The following AKAP5 variants were observed in gnomAD, a reference collection of about 807,000 sequenced individuals.
AKAP5 encodes A-kinase anchoring protein 5, also known as A-kinase anchor protein 5.
In AKAP5, 5 loss-of-function variants were observed where a neutral mutation model predicts 13.8. That is an observed-to-expected ratio of 0.36 (90% CI 0.19 to 0.76). AKAP5 has a LOEUF of 0.76. Among genes scored for constraint, AKAP5 ranks in the 30% least tolerant of loss-of-function variants. The probability of loss-of-function intolerance (pLI) is 0.51; values close to 1 mark genes in which losing one functional copy is unlikely to be tolerated. For missense variants in AKAP5, 406 were observed against 484.4 expected (o/e 0.84, Z 1.52); for synonymous variants, 148 against 167.2 (o/e 0.89, Z 0.89).
chr14:64,468,838 A>T lies in AKAP5; in HGVS notation c.444A>T (p.Ser148=). Residue 148 remains serine, a synonymous_variant, in exon 2 of 2, where the codon TCA becomes TCT. Coordinates refer to ENST00000394718, the MANE Select transcript of AKAP5 (RefSeq NM_004857.3). ...RSNHSKIIED[S]DCSIKVQEEA... ...ATCATTCCAAAATTATAGAAGACTC[A>T]GACTGCAGCATCAAAGTCCAGGAAG... 6.2e-7 allele frequency: 1 copy of T among 1,614,186 alleles called. No individual in the cohort carries two copies. The highest frequency in any genetic ancestry group is 1.7e-5 in the Admixed American group (1 of 60,028).
rs961145900 is a variant in AKAP5, at chr14:64,473,249, A to T, written c.*3571A>T. The stretch of plus-strand genomic sequence containing the variant: ...GAAAACAAAAGAACTTTCAAACAGA[A>T]ATTATGTTCCCTGCCACCTCCTCCA... On this transcript the variant is annotated 3_prime_UTR_variant, in exon 2 of 2. Coordinates refer to ENST00000394718, the MANE Select transcript of AKAP5 (RefSeq NM_004857.3). 6.0e-6 allele frequency: 1 copy of T among 167,038 alleles called. No individual in the cohort carries two copies. Among genetic ancestry groups the T allele is most frequent in the African/African-American group, 2.4e-5 (1 of 41,448 alleles). 10.3% of individuals were successfully genotyped at this position (167,038 alleles called of 1,614,324 possible). A position where few individuals can be genotyped will look rare whatever the true frequency, so the allele number is the denominator to read the frequency against.
Position 64,471,237 on chromosome 14 carries a change from C to G in AKAP5, c.*1559C>G, listed in dbSNP as rs2078667462. On this transcript the variant is annotated 3_prime_UTR_variant, in exon 2 of 2. Transcript: ENST00000394718. ...GCGCGATCTTGGCTCACTGCAAGCT[C>G]CACCTCCTGGGTTCACACCATTCTT... 1 of 154,906 alleles carries G rather than the reference C, an allele frequency of 6.5e-6. No homozygotes were observed. Among genetic ancestry groups the G allele is most frequent in the Non-Finnish European group, 1.5e-5 (1 of 67,872 alleles). 9.6% of individuals were successfully genotyped at this position (154,906 alleles called of 1,614,324 possible). A position where few individuals can be genotyped will look rare whatever the true frequency, so the allele number is the denominator to read the frequency against.
At position 64,468,618 on chromosome 14, in the gene AKAP5, C is replaced by T. The variant is rs1305911885; in HGVS notation, c.224C>T (p.Thr75Ile). 2 of 1,613,840 alleles carry T rather than the reference C, an allele frequency of 1.2e-6. No individual in the cohort carries two copies. The highest frequency in any genetic ancestry group is 1.1e-5 in the South Asian group (1 of 91,082). The change falls in exon 2 of 2, where the codon ACA becomes ATA. Residue 75 changes from threonine to isoleucine, a missense_variant. Physicochemically the swap from Thr to Ile is moderately conservative, Grantham distance 89. Transcript: ENST00000394718. ...GGAGCTTCTGATCAGCCAGAGCCCACACGGGGGGCCTGGGCCTCACTCAAA... is the reference window on the plus strand; with the variant it reads ...GGAGCTTCTGATCAGCCAGAGCCCATACGGGGGGCCTGGGCCTCACTCAAA... ...EAGASDQPEPTRGAWASLKRL... is the reference protein window; with the variant it reads ...EAGASDQPEPIRGAWASLKRL...
rs2078689163 is a variant in AKAP5, at chr14:64,472,876, T to C, written c.*3198T>C. On this transcript the variant is annotated 3_prime_UTR_variant, in exon 2 of 2. Transcript: ENST00000394718. ...TTCAATTCATGTCCATTTAACAACA[T>C]TAAAATAATTATTAGGAACACCACA... 1 of 167,068 alleles carries C rather than the reference T, an allele frequency of 6.0e-6. No individual in the cohort carries two copies. The highest frequency in any genetic ancestry group is 2.4e-5 in the African/African-American group (1 of 41,456). 10.3% of individuals were successfully genotyped at this position (167,068 alleles called of 1,614,324 possible).
intron 1 of AKAP5, chr14:64,466,959 G>T (rs1006833419): frequency 1.3e-5 from 2 of 151,842 alleles, no homozygotes; most frequent in Non-Finnish European, 2.9e-5. Flanking sequence ...CTTATTTTTG[G>T]CTTTTAAATT....
At position 64,469,431 on chromosome 14, in the gene AKAP5, A is replaced by G. The variant is rs2078644758; in HGVS notation, c.1037A>G (p.Glu346Gly). Residue 346 changes from glutamate to glycine, a missense_variant, in exon 2 of 2, where the codon GAA (glutamate) becomes GGA (glycine). Transcript: ENST00000394718. ...EPIAIIITDT[E>G]ISEFDVTKSK... ...ATTGCTATTATTATTACAGACACTG[A>G]AATCAGTGAATTTGATGTTACAAAA... 1 of 1,613,100 alleles carries G rather than the reference A, an allele frequency of 6.2e-7. No individual in the cohort carries two copies. Among genetic ancestry groups the G allele is most frequent in the South Asian group, 1.1e-5 (1 of 90,704 alleles).
In AKAP5 at chr14:64,468,285, G is replaced by T. The variant is rs925316593; in HGVS notation, c.-110G>T. On this transcript the variant is annotated 5_prime_UTR_variant, in exon 2 of 2. It removes an upstream start codon present in the reference 5' UTR. Transcript: ENST00000394718. ...GGAGTAAGATGAAAGGTATGAATAT[G>T]CCTGGAAGAAATTTTACCTAGTGTG... The T allele has an allele frequency of 1.1e-4, 114 of 1,019,014 alleles. No homozygotes were observed. Among genetic ancestry groups the T allele is most frequent in the Non-Finnish European group, 1.5e-4 (105 of 708,994 alleles). 63.1% of individuals were successfully genotyped at this position (1,019,014 alleles called of 1,614,324 possible).
At chr14:64,466,666 T>A (rs1208143614) in intron 1 of AKAP5, among the ~76,000 whole-genome samples, 3 of 152,224 alleles carry the variant, frequency 2.0e-5, no homozygotes, top group African/African-American at 7.2e-5. Context: ...CCTAAGATAA[T>A]ATTTACTTAG....
Position 64,472,090 on chromosome 14 carries a change from T to G in AKAP5, c.*2412T>G, listed in dbSNP as rs1254495315. On this transcript the variant is annotated 3_prime_UTR_variant, in exon 2 of 2. Transcript: ENST00000394718. ...CATTCAAAACACATGACCCAAGAAG[T>G]CAATTTCTTTTAATTGTACAACTTT... is the stretch of plus-strand genomic sequence containing the variant. The G allele has an allele frequency of 6.0e-6, 1 of 166,804 alleles. No individual in the cohort carries two copies. The highest frequency in any genetic ancestry group is 1.5e-5 in the Non-Finnish European group (1 of 68,086). 10.3% of individuals were successfully genotyped at this position (166,804 alleles called of 1,614,324 possible).
In AKAP5 at chr14:64,469,807, C is replaced by T. The variant is rs780733430; in HGVS notation, c.*129C>T. ...TAGAACTTAAAAGGTACAATTCCAG[C>T]GCAGAAGTGCTAAAGATTAAGTCAA... On this transcript the variant is annotated 3_prime_UTR_variant, in exon 2 of 2. Coordinates refer to ENST00000394718, the MANE Select transcript of AKAP5 (RefSeq NM_004857.3). 7.2e-5 allele frequency: 48 copies of T among 669,280 alleles called. No homozygotes were observed. Among genetic ancestry groups the T allele is most frequent in the Non-Finnish European group, 1.1e-4 (44 of 409,988 alleles). The allele number at this position is 669,280 out of a possible 1,614,324, so 41.5% of individuals were successfully genotyped here.
At position 64,472,724 on chromosome 14, in the gene AKAP5, T is replaced by C. The variant is rs945669524; in HGVS notation, c.*3046T>C. 6.6e-5 allele frequency: 11 copies of C among 166,920 alleles called. No individual in the cohort carries two copies. Among genetic ancestry groups the C allele is most frequent in the African/African-American group, 2.4e-4 (10 of 41,586 alleles). The allele number at this position is 166,920 out of a possible 1,614,324, so 10.3% of individuals were successfully genotyped here. ...ACAGTGAATTCTAAGGTGATTCAAA[T>C]TGTTTTATTGTTATAGAAATATGCA... On this transcript the variant is annotated 3_prime_UTR_variant, in exon 2 of 2. Transcript: ENST00000394718.
At chr14:64,467,242 C>T (rs927544868) in intron 1 of AKAP5, 1 of 152,212 alleles carries the variant, frequency 6.6e-6, no homozygotes, top group Non-Finnish European at 1.5e-5. Flanking sequence ...TGTTACAGCT[C>T]TGCCGTAATC....
At position 64,468,542 on chromosome 14, in the gene AKAP5, A is replaced by C; in HGVS notation, c.148A>C (p.Lys50Gln). 6.2e-7 allele frequency: 1 copy of C among 1,614,084 alleles called. No homozygotes were observed. The highest frequency in any genetic ancestry group is 1.1e-5 in the South Asian group (1 of 91,092). Residue 50 changes from lysine to glutamine, a missense_variant, in exon 2 of 2, where the codon AAA becomes CAA. Lys to Gln is a moderately conservative substitution (Grantham distance 53). Transcript: ENST00000394718. The stretch of plus-strand genomic sequence containing the variant: ...GAAAGCAGCCAAAGCACTGAAGCCC[A>C]AAGCTGGCTCTGAAGCTGCTGATGT... The part of the protein sequence containing the change: ...RKKAAKALKP[K>Q]AGSEAADVAR...
chr14:64,468,573 G>C lies in AKAP5; in HGVS notation c.179G>C (p.Arg60Thr). 6.2e-7 allele frequency: 1 copy of C among 1,614,050 alleles called. No homozygotes were observed. The highest frequency in any genetic ancestry group is 1.3e-5 in the African/African-American group (1 of 75,056). ...GGCTCTGAAGCTGCTGATGTGGCAA[G>C]GAAGTGTCCACAAGAAGCAGGAGCT... is the stretch of plus-strand genomic sequence containing the variant. ...KAGSEAADVA[R>T]KCPQEAGASD... The change falls in exon 2 of 2, where the codon AGG becomes ACG. Residue 60 changes from arginine (R) to threonine (T), a missense_variant. Physicochemically the swap from Arg to Thr is moderately conservative, Grantham distance 71. Coordinates refer to ENST00000394718, the MANE Select transcript of AKAP5 (RefSeq NM_004857.3).
In AKAP5 at chr14:64,468,366, T is replaced by C. The variant is rs988068667; in HGVS notation, c.-29T>C. 1.3e-6 allele frequency: 2 copies of C among 1,550,038 alleles called. No individual in the cohort carries two copies. Among genetic ancestry groups the C allele is most frequent in the Admixed American group, 2.1e-5 (1 of 47,646 alleles). Reference sequence around the variant, plus strand: ...GCTGCTAAGGAAGAGAGAATACAGTTTTCTAGAGAATAAGAGTGCAGTGTA... The same window carrying C: ...GCTGCTAAGGAAGAGAGAATACAGTCTTCTAGAGAATAAGAGTGCAGTGTA... On this transcript the variant is annotated 5_prime_UTR_variant, in exon 2 of 2. Coordinates refer to ENST00000394718, the MANE Select transcript of AKAP5 (RefSeq NM_004857.3).
chr14:64,469,772 T>TAAATC lies in AKAP5; in HGVS notation c.*94_*95insAAATC. 2.2e-6 allele frequency: 2 copies of TAAATC among 909,732 alleles called. No homozygotes were observed. The highest frequency in any genetic ancestry group is 2.9e-5 in the Admixed American group (1 of 34,528). The allele number at this position is 909,732 out of a possible 1,614,324, so 56.4% of individuals were successfully genotyped here. On this transcript the variant is annotated 3_prime_UTR_variant, in exon 2 of 2. Coordinates refer to ENST00000394718, the MANE Select transcript of AKAP5 (RefSeq NM_004857.3). The stretch of plus-strand genomic sequence containing the variant: ...TCTTACTCAGTAACAAATGAGAGAT[T>TAAATC]TATCATCTCTAGAACTTAAAAGGTA...
Position 64,471,552 on chromosome 14 carries a change from G to A in AKAP5, c.*1874G>A, listed in dbSNP as rs569723072. Reference sequence around the variant, plus strand: ...AAGGGAAGCATCTGATCTCATCAATGATTGCCATATTTTTTGAAAAAGTAA... The same window carrying A: ...AAGGGAAGCATCTGATCTCATCAATAATTGCCATATTTTTTGAAAAAGTAA... On this transcript the variant is annotated 3_prime_UTR_variant, in exon 2 of 2. Coordinates refer to ENST00000394718, the MANE Select transcript of AKAP5 (RefSeq NM_004857.3). 6.6e-5 allele frequency: 11 copies of A among 167,218 alleles called. No homozygotes were observed. The highest frequency in any genetic ancestry group is 3.9e-4 in the Admixed American group (6 of 15,306). The allele number at this position is 167,218 out of a possible 1,614,324, so 10.4% of individuals were successfully genotyped here.
rs530428219 is a variant in AKAP5 at position 64,472,023 on chromosome 14, T to C, written c.*2345T>C. On this transcript the variant is annotated 3_prime_UTR_variant, in exon 2 of 2. Transcript: ENST00000394718. Reference sequence around the variant, plus strand: ...GATTTTCCTACCTTCATGCTTATAATCCGGGGAGGAGGGTGGAAATCCTGA... The same window carrying C: ...GATTTTCCTACCTTCATGCTTATAACCCGGGGAGGAGGGTGGAAATCCTGA... 1.2e-5 allele frequency: 2 copies of C among 166,628 alleles called. No homozygotes were observed. The highest frequency in any genetic ancestry group is 2.9e-5 in the Non-Finnish European group (2 of 68,098). 10.3% of individuals were successfully genotyped at this position (166,628 alleles called of 1,614,324 possible).
At chr14:64,467,318 G>GCACA (rs1350340587) in intron 1 of AKAP5, 2 of 152,196 alleles carry the variant, frequency 1.3e-5, no homozygotes, top group African/African-American at 2.4e-5. Flanking sequence ...GTGAGGATTA[G>GCACA]AGATGTATGT....
Sources: allele counts gnomAD v4.1 joint callset (sites outside exome capture counted in the v4.1 genomes callset), GRCh38; gene constraint gnomAD v4.1.1; transcripts MANE v1.5; gene names NCBI Gene and HGNC (gene_info 2026-07-23, HGNC 2026-07-21).